GPHN: variants seen among roughly 807,000 people sequenced by gnomAD.
GPHN encodes gephyrin.
GPHN carries 17 observed loss-of-function variants against 95.5 expected under a neutral mutation model. The observed-to-expected ratio is 0.18, with a 90% CI of 0.12 to 0.27. The LOEUF is 0.27. GPHN is among the 10% of genes least tolerant of loss of function. The pLI is 1.00. For missense variants in GPHN, 660 were observed against 978.1 expected (o/e 0.67, Z 4.34); for synonymous variants, 320 against 322.5 (o/e 0.99, Z 0.08).
rs1566813122 is a variant in GPHN, at chr14:66,683,415, T to TATATATATGTTCATATATATATATGTTC, written c.143+2238_143+2239insGTTCATATATATATATGTTCATATATAT. Among the ~76,000 whole-genome samples the TATATATATGTTCATATATATATATGTTC allele has an allele frequency of 3.4e-4, 26 of 76,158 alleles. 3 individuals are homozygous for TATATATATGTTCATATATATATATGTTC. Among genetic ancestry groups the TATATATATGTTCATATATATATATGTTC allele is most frequent in the East Asian group, 2.7e-3 (4 of 1,470 alleles). The allele number at this position is 76,158 out of a possible 152,430, so 50.0% of individuals were successfully genotyped here. ...ATATGTTCATATATATATATGTTCATATATATATATTCATATTCTTGTGTT... is the reference window on the plus strand; with the variant it reads ...ATATGTTCATATATATATATGTTCATATATATATGTTCATATATATATATGTTCATATATATATTCATATTCTTGTGTT... On this transcript the variant is annotated intron_variant, in intron 2 of 22. Transcript: ENST00000478722.
the GPHN span, among the ~76,000 whole-genome samples, chr14:67,307,247 TA>T: frequency 0.03 from 4,570 of 152,156 alleles, 85 homozygotes; most frequent in Non-Finnish European, 0.036. Context: ...TCGGCCTTTT[TA>T]AAAAAAGGAA....
intron 1 of GPHN, among the ~76,000 whole-genome samples, chr14:66,579,043 A>G (rs557741454): frequency 6.6e-6 from 1 of 152,020 alleles, no homozygotes; most frequent in East Asian, 1.9e-4. Context: ...TACAATATAT[A>G]AAATGTAAAT....
chr14:67,113,660 T>G (rs2153687186), intron 16 of GPHN, among the ~76,000 whole-genome samples: 1 of 134,072 alleles, frequency 7.5e-6, no homozygotes, highest in African/African-American at 2.7e-5. Flanking sequence ...GATAATCAGG[T>G]TTTTTTTTTC....
At chr14:66,792,351 A>T (rs1253935722) in intron 3 of GPHN, among the ~76,000 whole-genome samples, 1 of 152,108 alleles carries the variant, frequency 6.6e-6, no homozygotes, top group African/African-American at 2.4e-5. Flanking sequence ...AAAAATAAAT[A>T]AAATAATACA....
chr14:66,510,945 A>G (rs539953381), intron 1 of GPHN, among the ~76,000 whole-genome samples: 2 of 152,316 alleles, frequency 1.3e-5, no homozygotes, highest in African/African-American at 4.8e-5. Context: ...GGCCAGGAAC[A>G]AGGATGTAGC....
intron 19 of GPHN, among the ~76,000 whole-genome samples, chr14:67,162,276 A>G (rs1396021270): frequency 6.6e-6 from 1 of 152,228 alleles, no homozygotes; most frequent in Non-Finnish European, 1.5e-5. Flanking sequence ...AGAAGGTGTT[A>G]TACATTCTCT....
chr14:67,108,599 A>G (rs2078176463), intron 13 of GPHN, among the ~76,000 whole-genome samples: 1 of 152,164 alleles, frequency 6.6e-6, no homozygotes, highest in Non-Finnish European at 1.5e-5. Flanking sequence ...TATTGCTTAC[A>G]GTAATAATAT....
rs542667085 is a variant in GPHN, at chr14:66,993,752, C to T, written c.963+28427C>T. ...GTGAGCAAACAGTTTGTAAACTCTACTTACTTTAAGCAAATTTGAGTGTCT... is the reference window on the plus strand; with the variant it reads ...GTGAGCAAACAGTTTGTAAACTCTATTTACTTTAAGCAAATTTGAGTGTCT... On this transcript the variant is annotated intron_variant, in intron 9 of 22. Transcript: ENST00000478722. Among the ~76,000 whole-genome samples the T allele has an allele frequency of 3.3e-5, 5 of 152,266 alleles. No homozygotes were observed. The East Asian group carries it at 9.6e-4, about 29-fold the overall frequency.
chr14:66,793,077 A>C (rs1351896864), intron 3 of GPHN, among the ~76,000 whole-genome samples: 1 of 152,266 alleles, frequency 6.6e-6, no homozygotes, highest in Non-Finnish European at 1.5e-5. Flanking sequence ...GTAAACCCAC[A>C]ACCTTCCGGC....
chr14:67,665,260 T>TA, the GPHN span, among the ~76,000 whole-genome samples: 1 of 13,390 alleles, frequency 7.5e-5, no homozygotes, highest in Non-Finnish European at 3.2e-4. Flanking sequence ...CAGTTATATC[T>TA]TTTTTTTTTT....
intron 8 of GPHN, among the ~76,000 whole-genome samples, chr14:66,950,065 C>T (rs2068008937): frequency 6.6e-6 from 1 of 150,488 alleles, no homozygotes; most frequent in Non-Finnish European, 1.5e-5. Context: ...TATGTGTTCC[C>T]ATTACAGTTT....
the GPHN span, among the ~76,000 whole-genome samples, chr14:67,261,973 G>T: frequency 2.0e-5 from 3 of 152,148 alleles, no homozygotes; most frequent in Admixed American, 6.6e-5. Context: ...AAGGAAGCAT[G>T]TAGTCAGCAT....
At chr14:66,676,977 TCTG>T (rs925721745) in intron 1 of GPHN, among the ~76,000 whole-genome samples, 24 of 152,220 alleles carry the variant, frequency 1.6e-4, no homozygotes, top group African/African-American at 5.5e-4. Flanking sequence ...TCATTATTGA[TCTG>T]CTCAGGTTTT....
chr14:67,577,893 G>A, the GPHN span: 1 of 742,784 alleles, frequency 1.3e-6, no homozygotes, highest in Non-Finnish European at 2.2e-6. Context: ...AACAGTAGCA[G>A]TGCTCCCTCT....
the GPHN span, chr14:67,387,365 T>C: frequency 1.2e-6 from 2 of 1,611,174 alleles, no homozygotes; most frequent in Non-Finnish European, 1.7e-6. Context: ...TCCACTCGGC[T>C]CGCTCAGCCT....
At chr14:67,529,856 A>G in the GPHN span, among the ~76,000 whole-genome samples, 1 of 152,186 alleles carries the variant, frequency 6.6e-6, no homozygotes, top group African/African-American at 2.4e-5. Context: ...GTTTCCTGGG[A>G]GTCTGAAACT....
chr14:67,212,777 G>A, the GPHN span, among the ~76,000 whole-genome samples: 1 of 151,680 alleles, frequency 6.6e-6, no homozygotes, highest in Admixed American at 6.6e-5. Flanking sequence ...TATAGGCCAA[G>A]GGAAACAAAG....
chr14:67,165,315 T>C, intron 20 of GPHN, 89 bp downstream of exon 20: 1 of 803,622 alleles, frequency 1.2e-6, no homozygotes, highest in Non-Finnish European at 2.2e-6. Flanking sequence ...GTTTGAAATC[T>C]GAAAGACCTG....
chr14:67,330,726 G>A, the GPHN span, among the ~76,000 whole-genome samples: 1 of 149,110 alleles, frequency 6.7e-6, no homozygotes, highest in Non-Finnish European at 1.5e-5. Flanking sequence ...CCAAAGTGCT[G>A]GGATTATGGG....
Sources: allele counts gnomAD v4.1 joint callset (sites outside exome capture counted in the v4.1 genomes callset), GRCh38; gene constraint gnomAD v4.1.1; transcripts MANE v1.5; gene names NCBI Gene and HGNC (gene_info 2026-07-23, HGNC 2026-07-21).